The following TRPM3 variants were observed in gnomAD, a reference collection of about 807,000 sequenced individuals.
TRPM3 encodes long transient receptor potential channel 3.
Under a neutral mutation model 181.2 loss-of-function variants are expected in TRPM3, and 77 were observed. That is an observed-to-expected ratio of 0.42 (90% CI 0.35 to 0.51). TRPM3 has a LOEUF of 0.51. Among genes scored for constraint, TRPM3 ranks in the 20% least tolerant of loss-of-function variants. TRPM3 has a pLI of 0.01. For synonymous variants in TRPM3, 745 were observed against 796.4 expected, an observed-to-expected ratio of 0.94 and a Z score of 1.09; for missense variants, 1,759 against 2,196.7, an observed-to-expected ratio of 0.80 and a Z score of 3.98.
At chr9:71,072,812 G>A (rs750119713) in intron 1 of TRPM3, among the ~76,000 whole-genome samples, 1 of 152,160 alleles carries the variant, frequency 6.6e-6, no homozygotes, top group Non-Finnish European at 1.5e-5. Context: ...GGAATGCTGA[G>A]GGCAGTCACA....
intron 1 of TRPM3, among the ~76,000 whole-genome samples, chr9:70,865,071 A>T (rs1021713844): frequency 1.8e-4 from 27 of 151,796 alleles, no homozygotes; most frequent in African/African-American, 6.5e-4. Flanking sequence ...AAATAAAAGC[A>T]TGAGGAAGAT....
At chr9:70,938,485 A>C (rs975334640) in intron 1 of TRPM3, among the ~76,000 whole-genome samples, 4 of 151,476 alleles carry the variant, frequency 2.6e-5, no homozygotes, top group Admixed American at 2.0e-4. Context: ...TTTTTTTTCT[A>C]TCTCTCCGCT....
At chr9:71,096,315 T>C (rs1202806555) in intron 1 of TRPM3, among the ~76,000 whole-genome samples, 2 of 149,296 alleles carry the variant, frequency 1.3e-5, no homozygotes, top group Non-Finnish European at 3.0e-5. Flanking sequence ...CTACTAAAAA[T>C]TGCTGAAACT....
chr9:71,023,040 C>T (rs1019002528), intron 1 of TRPM3, among the ~76,000 whole-genome samples: 4 of 151,722 alleles, frequency 2.6e-5, no homozygotes, highest in Non-Finnish European at 5.9e-5. Flanking sequence ...TTAAAAAAAC[C>T]CTGTGAAGAA....
intron 1 of TRPM3, among the ~76,000 whole-genome samples, chr9:70,952,448 C>A (rs1202571617): frequency 2.0e-5 from 3 of 152,134 alleles, no homozygotes; most frequent in Non-Finnish European, 4.4e-5. Context: ...ATAGAGAATG[C>A]ACAATTACGT....
In TRPM3 at chr9:71,152,499, A is replaced by G. The variant is rs545911901; in HGVS notation, c.184-287988T>C. Among the ~76,000 whole-genome samples the G allele has an allele frequency of 3.9e-5, 6 of 152,290 alleles. No individual in the cohort carries two copies. In the East Asian group the frequency reaches 1.2e-3, roughly 29 times the overall value. On this transcript the variant is annotated intron_variant, in intron 1 of 24. Coordinates refer to the TRPM3 transcript ENST00000357533. ...AAAGGGTTCTATTTTCCATTTAACT[A>G]GATCATTTATACCCAATGAAAATAA...
At chr9:71,203,379 T>A (rs191871366) in intron 1 of TRPM3, among the ~76,000 whole-genome samples, 5 of 152,324 alleles carry the variant, frequency 3.3e-5, no homozygotes, top group African/African-American at 1.2e-4. Context: ...TCTTAACATG[T>A]CTCAGTAAGT....
intron 1 of TRPM3, among the ~76,000 whole-genome samples, chr9:71,032,012 A>AGAT: frequency 6.7e-3 from 1 of 150 alleles, no homozygotes; most frequent in African/African-American, 0.011. Context: ...TATATAATAT[A>AGAT]TAATATATAT....
intron 1 of TRPM3, among the ~76,000 whole-genome samples, chr9:71,391,263 A>AT (rs747850103): frequency 6.6e-6 from 1 of 151,984 alleles, no homozygotes; most frequent in Non-Finnish European, 1.5e-5. Flanking sequence ...CATTATTTCT[A>AT]TTTTACACAA....
At chr9:70,576,416 C>T (rs919443189) in intron 22 of TRPM3, among the ~76,000 whole-genome samples, 10 of 152,080 alleles carry the variant, frequency 6.6e-5, no homozygotes, top group South Asian at 2.1e-4. Flanking sequence ...TACTTGAACA[C>T]AGAAATTCCA....
chr9:71,000,774 A>G (rs1415446215), intron 1 of TRPM3, among the ~76,000 whole-genome samples: 2 of 152,208 alleles, frequency 1.3e-5, no homozygotes, highest in African/African-American at 2.4e-5. Flanking sequence ...CTGACACTGA[A>G]AAGTGAGGTG....
chr9:71,371,831 T>C (rs1187227421), intron 1 of TRPM3, among the ~76,000 whole-genome samples: 1 of 152,204 alleles, frequency 6.6e-6, no homozygotes, highest in East Asian at 1.9e-4. Context: ...TCTTGTCTTT[T>C]GTTTTTGGTT....
At chr9:71,339,365 A>C (rs1159486144) in intron 1 of TRPM3, among the ~76,000 whole-genome samples, 2 of 152,134 alleles carry the variant, frequency 1.3e-5, no homozygotes, top group Non-Finnish European at 2.9e-5. Context: ...TGCAAGAATA[A>C]CTAGAAAACA....
At chr9:70,628,958 C>A (rs1276585452) in intron 12 of TRPM3, among the ~76,000 whole-genome samples, 1 of 151,112 alleles carries the variant, frequency 6.6e-6, no homozygotes, top group Non-Finnish European at 1.5e-5. Flanking sequence ...AAGACCAATA[C>A]TGAAAGGGAA....
chr9:70,623,739 G>A (rs1223470053), intron 14 of TRPM3, among the ~76,000 whole-genome samples: 4 of 152,092 alleles, frequency 2.6e-5, no homozygotes, highest in African/African-American at 7.2e-5. Context: ...TTGGTTAACC[G>A]TCTTTTTACT....
At chr9:70,846,924 C>T (rs1380841895) in intron 3 of TRPM3, among the ~76,000 whole-genome samples, 1 of 152,082 alleles carries the variant, frequency 6.6e-6, no homozygotes, top group Non-Finnish European at 1.5e-5. Context: ...TACAACAGTT[C>T]AAATGTTTCT....
intron 1 of TRPM3, among the ~76,000 whole-genome samples, chr9:71,411,965 T>C (rs1377113114): frequency 6.6e-6 from 1 of 152,140 alleles, no homozygotes; most frequent in Non-Finnish European, 1.5e-5. Context: ...CCATCTGATC[T>C]TTGACAAATC....
chr9:70,933,704 AT>A (rs552674600), intron 1 of TRPM3, among the ~76,000 whole-genome samples: 19 of 149,682 alleles, frequency 1.3e-4, no homozygotes, highest in East Asian at 5.9e-4. Context: ...CTAAAAAGAG[AT>A]TTTTTTTTTA....
At chr9:71,427,956 G>T (rs1047964681) in intron 1 of TRPM3, among the ~76,000 whole-genome samples, 4 of 152,158 alleles carry the variant, frequency 2.6e-5, no homozygotes, top group African/African-American at 9.7e-5. Context: ...AAAATGTGTT[G>T]TCATAATTTG....
Sources: gnomAD v4.1 joint callset for allele counts (sites outside exome capture counted in the v4.1 genomes callset) on GRCh38, gnomAD v4.1.1 for gene constraint, MANE v1.5 for transcripts, NCBI Gene and HGNC (gene_info 2026-07-23, HGNC 2026-07-21) for gene names.